The following MYRIP variants were observed in gnomAD, a reference collection of about 807,000 sequenced individuals.
The protein encoded by MYRIP is rab effector MyRIP.
In MYRIP, 49 loss-of-function variants were observed where a neutral mutation model predicts 98.0. That is an observed-to-expected ratio of 0.50 (90% CI 0.40 to 0.63). The LOEUF is 0.63. Among genes scored for constraint, MYRIP ranks in the 30% least tolerant of loss-of-function variants. The pLI, the probability that MYRIP is intolerant of heterozygous loss-of-function variation, is 0.00. For synonymous variants in MYRIP, 404 were observed against 409.5 expected (o/e 0.99, Z 0.16); for missense variants, 1,004 against 1,058.2 (o/e 0.95, Z 0.71).
At chr3:40,235,917 C>A (rs1167107135) in intron 12 of MYRIP, among the ~76,000 whole-genome samples, 1 of 152,224 alleles carries the variant, frequency 6.6e-6, no homozygotes, top group Non-Finnish European at 1.5e-5. Context: ...GAAACCTGTA[C>A]ATCTCTGAAG....
rs1328467065 is a variant in MYRIP at position 40,151,132 on chromosome 3, G to A, written c.417G>A (p.Lys139=). The A allele has an allele frequency of 6.2e-7, 1 of 1,612,176 alleles. No individual in the cohort carries two copies. Among genetic ancestry groups the A allele is most frequent in the South Asian group, 1.1e-5 (1 of 90,678 alleles). ...GCTTTGGCAGTGCCAAGGTTCTGAAGAACCTGTACAGGAAGCACCGGCTGG... is the reference window on the plus strand; with the variant it reads ...GCTTTGGCAGTGCCAAGGTTCTGAAAAACCTGTACAGGAAGCACCGGCTGG... ...FKRFGSAKVL[K]NLYRKHRLES... Residue 139 remains lysine (K), a synonymous_variant, in exon 4 of 17, where the codon AAG becomes AAA. Transcript: ENST00000302541.
chr3:40,258,004 T>C, intron 16 of MYRIP, 130 bp from the exon 17 acceptor site: 2 of 959,608 alleles, frequency 2.1e-6, no homozygotes, highest in Non-Finnish European at 3.3e-6. Flanking sequence ...TTCTAAATGT[T>C]GTGAAACATC....
intron 2 of MYRIP, among the ~76,000 whole-genome samples, chr3:40,021,987 C>A (rs960318240): frequency 2.0e-5 from 3 of 152,126 alleles, no homozygotes; most frequent in Non-Finnish European, 4.4e-5. Flanking sequence ...TATGCAAGAT[C>A]CAAATTTATA....
At chr3:40,107,665 C>CTGG (rs1949075256) in intron 3 of MYRIP, among the ~76,000 whole-genome samples, 1 of 152,020 alleles carries the variant, frequency 6.6e-6, no homozygotes, top group South Asian at 2.1e-4. Context: ...TTATAGGTAT[C>CTGG]CCTGAACAAA....
At chr3:39,834,872 A>G (rs944685132) in intron 1 of MYRIP, among the ~76,000 whole-genome samples, 2 of 152,168 alleles carry the variant, frequency 1.3e-5, no homozygotes, top group Non-Finnish European at 2.9e-5. Flanking sequence ...AATATATCAC[A>G]ATAAGGAAAA....
At chr3:39,958,477 T>A (rs1435779537) in intron 2 of MYRIP, among the ~76,000 whole-genome samples, 2 of 152,186 alleles carry the variant, frequency 1.3e-5, no homozygotes, top group Non-Finnish European at 2.9e-5. Flanking sequence ...GCTAGCCATA[T>A]GCAGAAAGCT....
chr3:40,200,524 C>A (rs1011300703), intron 10 of MYRIP, among the ~76,000 whole-genome samples: 2 of 152,058 alleles, frequency 1.3e-5, no homozygotes, highest in South Asian at 2.1e-4. Context: ...AAGGATTATC[C>A]ACTGAAAATG....
intron 2 of MYRIP, among the ~76,000 whole-genome samples, chr3:39,950,217 A>G (rs985743857): frequency 1.3e-5 from 2 of 152,154 alleles, no homozygotes; most frequent in East Asian, 3.9e-4. Flanking sequence ...TTTGCACATG[A>G]TAGGCATTCC....
At chr3:40,033,823 A>G (rs1172762273) in intron 2 of MYRIP, among the ~76,000 whole-genome samples, 1 of 152,152 alleles carries the variant, frequency 6.6e-6, no homozygotes, top group Non-Finnish European at 1.5e-5. Context: ...TTCAAACTAT[A>G]CTACAAGGCT....
chr3:39,957,391 C>T (rs12629212), intron 2 of MYRIP, among the ~76,000 whole-genome samples: 23 of 149,112 alleles, frequency 1.5e-4, no homozygotes, highest in Admixed American at 4.6e-4. Context: ...AATCAATAAA[C>T]GTAATCCATC....
chr3:40,233,676 C>T (rs1315732963), intron 11 of MYRIP, among the ~76,000 whole-genome samples, 183 bp from the exon 12 acceptor site: 1 of 152,164 alleles, frequency 6.6e-6, no homozygotes, highest in Admixed American at 6.5e-5. Context: ...CAAATCAGGC[C>T]TCCCCTCAGT....
chr3:40,071,098 C>T (rs1472956288), intron 3 of MYRIP: 1 of 975,814 alleles, frequency 1.0e-6, no homozygotes, highest in Non-Finnish European at 1.2e-6. Context: ...GGGAAGAAAG[C>T]ACAGGAAGAA....
chr3:39,930,193 T>A (rs1001156572), intron 2 of MYRIP, among the ~76,000 whole-genome samples: 2 of 152,060 alleles, frequency 1.3e-5, no homozygotes, highest in Non-Finnish European at 2.9e-5. Context: ...GGTTCCAGTT[T>A]ATTCACATAC....
intron 10 of MYRIP, chr3:40,209,038 C>A (rs765410179): frequency 4.6e-5 from 7 of 152,232 alleles, no homozygotes; most frequent in Non-Finnish European, 8.8e-5. Flanking sequence ...GTAGTCCCAG[C>A]TACTTGGAAG....
chr3:39,946,347 C>G (rs1330929783), intron 2 of MYRIP, among the ~76,000 whole-genome samples: 1 of 152,170 alleles, frequency 6.6e-6, no homozygotes, highest in African/African-American at 2.4e-5. Flanking sequence ...ATCCAACCCT[C>G]TAACCTGGTG....
At chr3:40,250,572 C>T in intron 15 of MYRIP, 73 bp downstream of exon 15, 1 of 1,531,544 alleles carries the variant, frequency 6.5e-7, no homozygotes, top group East Asian at 2.3e-5. Flanking sequence ...ACAAAGAGAC[C>T]TGAGTTTGAG....
intron 8 of MYRIP, among the ~76,000 whole-genome samples, chr3:40,175,619 C>A (rs1179573819): frequency 1.3e-5 from 2 of 152,244 alleles, no homozygotes; most frequent in Non-Finnish European, 2.9e-5. Context: ...CATAGCAGGG[C>A]CAGCCTGGTG....
chr3:39,968,066 G>A (rs1448133831), intron 2 of MYRIP, among the ~76,000 whole-genome samples: 1 of 152,092 alleles, frequency 6.6e-6, no homozygotes. Flanking sequence ...CTGTGCAGAA[G>A]CTCTTAAGTT....
At chr3:39,817,404 T>C (rs1057135287) in intron 1 of MYRIP, among the ~76,000 whole-genome samples, 10 of 152,228 alleles carry the variant, frequency 6.6e-5, no homozygotes, top group Admixed American at 6.5e-5. Context: ...TTTTGTGCTC[T>C]TAAGTTTGCT....
Sources: allele counts gnomAD v4.1 joint callset (sites outside exome capture counted in the v4.1 genomes callset), GRCh38; gene constraint gnomAD v4.1.1; transcripts MANE v1.5; gene names NCBI Gene and HGNC (gene_info 2026-07-23, HGNC 2026-07-21).